KANSL1L: variants seen among roughly 807,000 people sequenced by gnomAD.
KANSL1L encodes the protein KAT8 regulatory NSL complex subunit 1-like protein.
In KANSL1L, 25 loss-of-function variants were observed where a neutral mutation model predicts 108.6. The ratio of observed to expected loss-of-function variants is 0.23; its 90% CI spans 0.17 to 0.32. The LOEUF is 0.32. Ranked by LOEUF, KANSL1L falls within the 10% of genes least tolerant of loss-of-function variation. The pLI, the probability that KANSL1L is intolerant of heterozygous loss-of-function variation, is 1.00. For missense variants in KANSL1L, 1,137 were observed against 1,125.7 expected (o/e 1.01, Z -0.14); for synonymous variants, 405 against 395.1 (o/e 1.03, Z -0.30).
At chr2:210,078,310 C>G (rs1197611526) in intron 5 of KANSL1L, among the ~76,000 whole-genome samples, 1 of 152,146 alleles carries the variant, frequency 6.6e-6, no homozygotes, top group East Asian at 1.9e-4. Context: ...CTAGAAACAT[C>G]ATTATGTGGT....
At chr2:210,122,434 C>G (rs1462065830) in intron 3 of KANSL1L, among the ~76,000 whole-genome samples, 1 of 152,038 alleles carries the variant, frequency 6.6e-6, no homozygotes, top group Admixed American at 6.6e-5. Flanking sequence ...GGGGAAAAAA[C>G]AGTCTCCAGT....
rs1040933958 is a variant in KANSL1L at position 210,028,791 on chromosome 2, T to G, written c.2396+54A>C. 4.0e-5 allele frequency: 52 copies of G among 1,301,724 alleles called. No individual in the cohort carries two copies. The African/African-American group carries it at 7.0e-4, about 18-fold the overall frequency. The allele number at this position is 1,301,724 out of a possible 1,614,324, so 80.6% of individuals were successfully genotyped here. A position where few individuals can be genotyped will look rare whatever the true frequency, so the allele number is the denominator to read the frequency against. The stretch of plus-strand genomic sequence containing the variant: ...AATTAAAATTCTTCACTTTGAAAAT[T>G]TAAGTTTATTAGGGAAGGAAGGAAG... On this transcript the variant is annotated intron_variant, in intron 11 of 14. Transcript: ENST00000281772.
At chr2:210,154,793 G>A (rs2095324256) in intron 1 of KANSL1L, among the ~76,000 whole-genome samples, 182 bp from the exon 2 acceptor site, 1 of 151,866 alleles carries the variant, frequency 6.6e-6, no homozygotes, top group Non-Finnish European at 1.5e-5. Flanking sequence ...TCTGACTGGG[G>A]GCCTAATAGC....
chr2:210,167,136 T>G (rs1688033662), intron 1 of KANSL1L, among the ~76,000 whole-genome samples: 1 of 152,026 alleles, frequency 6.6e-6, no homozygotes, highest in African/African-American at 2.4e-5. Flanking sequence ...CTGGTACAGT[T>G]TTATTCCTCA....
chr2:210,041,533 G>A (rs920097412), intron 7 of KANSL1L, among the ~76,000 whole-genome samples: 4 of 152,102 alleles, frequency 2.6e-5, no homozygotes, highest in South Asian at 2.1e-4. Flanking sequence ...TCTCCTGGGC[G>A]CAAGCAATCC....
At chr2:210,131,867 T>C (rs1385967072) in intron 2 of KANSL1L, among the ~76,000 whole-genome samples, 7 of 152,020 alleles carry the variant, frequency 4.6e-5, no homozygotes, top group East Asian at 1.9e-4. Context: ...ACCCAGTTAA[T>C]TGTATTTTTA....
chr2:210,023,366 T>C (rs1023396380), intron 14 of KANSL1L, among the ~76,000 whole-genome samples, 187 bp from the exon 15 acceptor site: 1 of 152,214 alleles, frequency 6.6e-6, no homozygotes, highest in Non-Finnish European at 1.5e-5. Context: ...TGAGTGACTT[T>C]TGGGATTTAT....
intron 3 of KANSL1L, among the ~76,000 whole-genome samples, chr2:210,121,940 T>C (rs116955603): frequency 9.9e-5 from 15 of 152,136 alleles, no homozygotes; most frequent in South Asian, 4.1e-4. Flanking sequence ...TCATTTACAG[T>C]AGATACAAAT....
At chr2:210,115,501 C>A (rs1559569656) in intron 3 of KANSL1L, among the ~76,000 whole-genome samples, 1 of 152,068 alleles carries the variant, frequency 6.6e-6, no homozygotes, top group East Asian at 1.9e-4. Context: ...AGCAAAAATT[C>A]TTGAGTTTGT....
At chr2:210,064,671 G>T (rs937261454) in intron 6 of KANSL1L, among the ~76,000 whole-genome samples, 11 of 151,684 alleles carry the variant, frequency 7.3e-5, no homozygotes, top group African/African-American at 2.7e-4. Flanking sequence ...AATTACCTGG[G>T]TGTGGCAGTA....
rs529790926 is a variant in KANSL1L at position 210,098,262 on chromosome 2, G to A, written c.1429-55C>T. ...TGCTAAGCAAGAAATGTGAGTTAAA[G>A]CTCAGATGCATAGTGCCAATTAATC... is the stretch of plus-strand genomic sequence containing the variant. On this transcript the variant is annotated intron_variant, in intron 4 of 14. Transcript: ENST00000281772. The A allele has an allele frequency of 2.8e-5, 43 of 1,561,250 alleles. No individual in the cohort carries two copies. The African/African-American group carries it at 4.5e-4, about 16-fold the overall frequency.
intron 2 of KANSL1L, among the ~76,000 whole-genome samples, chr2:210,141,720 G>A (rs553704480): frequency 1.3e-5 from 2 of 152,258 alleles, no homozygotes; most frequent in East Asian, 3.9e-4. Flanking sequence ...TATCATATAT[G>A]GCCTTTATTG....
chr2:210,138,126 A>G (rs2095191491), intron 2 of KANSL1L, among the ~76,000 whole-genome samples: 1 of 152,228 alleles, frequency 6.6e-6, no homozygotes, highest in Non-Finnish European at 1.5e-5. Flanking sequence ...AGCATGTTAC[A>G]TCGAAAGTAC....
intron 2 of KANSL1L, among the ~76,000 whole-genome samples, chr2:210,143,629 T>C (rs1269193142): frequency 6.6e-6 from 1 of 152,154 alleles, no homozygotes; most frequent in African/African-American, 2.4e-5. Flanking sequence ...GTATATCTAC[T>C]ATAGGTTTTT....
intron 1 of KANSL1L, among the ~76,000 whole-genome samples, chr2:210,162,545 T>C (rs1252652833): frequency 1.3e-5 from 2 of 152,038 alleles, no homozygotes. Context: ...CAAGCAAGAA[T>C]TCATAATTAG....
intron 1 of KANSL1L, among the ~76,000 whole-genome samples, chr2:210,164,291 T>C (rs1235172471): frequency 6.6e-6 from 1 of 152,190 alleles, no homozygotes; most frequent in Non-Finnish European, 1.5e-5. Flanking sequence ...TATTGTTTAA[T>C]ATTTTTAGGC....
At chr2:210,077,868 T>C (rs1028144168) in intron 5 of KANSL1L, among the ~76,000 whole-genome samples, 1 of 152,208 alleles carries the variant, frequency 6.6e-6, no homozygotes, top group Non-Finnish European at 1.5e-5. Context: ...ACTTCTGAAC[T>C]GGCTAGAGGC....
chr2:210,149,735 C>G (rs1317046442), intron 2 of KANSL1L, among the ~76,000 whole-genome samples: 1 of 151,844 alleles, frequency 6.6e-6, no homozygotes, highest in African/African-American at 2.4e-5. Context: ...GTCATTTGCT[C>G]TCAATATTTA....
intron 9 of KANSL1L, among the ~76,000 whole-genome samples, chr2:210,030,344 T>C (rs1326179348): frequency 1.3e-5 from 2 of 151,976 alleles, no homozygotes; most frequent in Non-Finnish European, 2.9e-5. Context: ...AAAATTCTGC[T>C]ATTATAAGTA....
Sources: gnomAD v4.1 joint callset for allele counts (sites outside exome capture counted in the v4.1 genomes callset) on GRCh38, gnomAD v4.1.1 for gene constraint, MANE v1.5 for transcripts, NCBI Gene and HGNC (gene_info 2026-07-23, HGNC 2026-07-21) for gene names.